ZMIZ1: variants seen among roughly 807,000 people sequenced by gnomAD.
ZMIZ1 encodes the protein zinc finger MIZ-type containing 1.
Under a neutral mutation model 113.9 loss-of-function variants are expected in ZMIZ1, and 17 were observed. The observed-to-expected ratio is 0.15, with a 90% CI of 0.10 to 0.22. The LOEUF is 0.22. ZMIZ1 is among the 10% of genes least tolerant of loss of function. The pLI, the probability that ZMIZ1 is intolerant of heterozygous loss-of-function variation, is 1.00. For synonymous variants in ZMIZ1, 607 were observed against 603.1 expected (o/e 1.01, Z -0.09); for missense variants, 1,059 against 1,477.8 (o/e 0.72, Z 4.65).
intron 7 of ZMIZ1, among the ~76,000 whole-genome samples, chr10:79,256,702 C>T (rs149251160): frequency 7.9e-4 from 121 of 152,344 alleles, no homozygotes; most frequent in African/African-American, 2.6e-3. Flanking sequence ...GCATGTCTTG[C>T]TCTGGGAGGT....
At chr10:79,277,102 T>C in intron 7 of ZMIZ1, 79 bp from the exon 8 acceptor site, 1 of 1,437,572 alleles carries the variant, frequency 7.0e-7, no homozygotes, top group Non-Finnish European at 9.1e-7. Flanking sequence ...GCACCCAGTC[T>C]GGGGAGAGTT....
intron 2 of ZMIZ1, among the ~76,000 whole-genome samples, chr10:79,131,597 C>T (rs1369834808): frequency 1.3e-5 from 2 of 152,174 alleles, no homozygotes; most frequent in African/African-American, 4.8e-5. Context: ...TGATGAATAG[C>T]ACCAGGCTTG....
intron 7 of ZMIZ1, among the ~76,000 whole-genome samples, chr10:79,231,705 A>G (rs1235357251): frequency 2.0e-5 from 3 of 152,000 alleles, no homozygotes; most frequent in African/African-American, 7.3e-5. Flanking sequence ...CCGCCTCCCA[A>G]GTAGCTGGAA....
chr10:79,180,312 C>A (rs545325553), intron 4 of ZMIZ1, among the ~76,000 whole-genome samples: 1 of 152,184 alleles, frequency 6.6e-6, no homozygotes, highest in Non-Finnish European at 1.5e-5. Flanking sequence ...CTGGGTCCCC[C>A]AGTGTCTACT....
At position 79,300,838 on chromosome 10, in the gene ZMIZ1, A is replaced by G; in HGVS notation, c.1915A>G (p.Ile639Val). The G allele has an allele frequency of 6.2e-7, 1 of 1,613,746 alleles. No individual in the cohort carries two copies. Among genetic ancestry groups the G allele is most frequent in the Non-Finnish European group, 8.5e-7 (1 of 1,179,982 alleles). Residue 639 changes from isoleucine (I) to valine (V), a missense_variant, in exon 17 of 25, where the codon ATT becomes GTT. This residue lies in a region of ZMIZ1 where 217 missense variants were observed against 426.9 expected (regional missense o/e 0.51). Coordinates refer to ENST00000334512, the MANE Select transcript of ZMIZ1 (RefSeq NM_020338.4). ...QVSVNATPLT[I>V]ERGDNKTSHK... ...CAGCGTGAACGCCACGCCCCTCACC[A>G]TTGAGCGCGGCGACAACAAGACCTC...
At chr10:79,115,655 A>T (rs1045298680) in intron 1 of ZMIZ1, among the ~76,000 whole-genome samples, 1 of 152,212 alleles carries the variant, frequency 6.6e-6, no homozygotes. Flanking sequence ...ACTGGGGGGA[A>T]CTGAGGGCTG....
intron 11 of ZMIZ1, chr10:79,292,878 A>G (rs1589580886): frequency 2.2e-6 from 1 of 462,402 alleles, no homozygotes; most frequent in Non-Finnish European, 4.3e-6. Flanking sequence ...GGAGGTGGGA[A>G]CTGCAGGGCA....
intron 7 of ZMIZ1, among the ~76,000 whole-genome samples, chr10:79,219,565 G>C (rs1303202075): frequency 4.6e-5 from 7 of 152,310 alleles, no homozygotes; most frequent in African/African-American, 1.7e-4. Flanking sequence ...ATGCTGCTCA[G>C]GGGTCTCCAG....
intron 7 of ZMIZ1, among the ~76,000 whole-genome samples, chr10:79,261,684 G>A (rs1341595799): frequency 1.3e-5 from 2 of 152,202 alleles, no homozygotes; most frequent in African/African-American, 2.4e-5. Context: ...GAGAGATGCC[G>A]GGCAGGGGAC....
In ZMIZ1 at chr10:79,069,554, C is replaced by T. The variant is rs946645790; in HGVS notation, c.-337+284C>T. On this transcript the variant is annotated intron_variant, in intron 1 of 24. Transcript: ENST00000334512. This position sits in a 1 kb window ranked among gnomAD's most constrained non-coding sequence, Gnocchi z 4.6. ...TGCGGGGCGTAAGTGTGGTCGTGCGCGCGCGGACCCGGTGCCCGCCTCCTG... is the reference window on the plus strand; with the variant it reads ...TGCGGGGCGTAAGTGTGGTCGTGCGTGCGCGGACCCGGTGCCCGCCTCCTG... Among the ~76,000 whole-genome samples, 2 of 151,852 alleles carry T rather than the reference C, an allele frequency of 1.3e-5. No individual in the cohort carries two copies.
chr10:79,153,961 C>T (rs1845801822), intron 3 of ZMIZ1, among the ~76,000 whole-genome samples: 1 of 152,216 alleles, frequency 6.6e-6, no homozygotes, highest in Non-Finnish European at 1.5e-5. Context: ...TGGCACCTGG[C>T]CCAGGAAGGG....
At chr10:79,289,558 G>A (rs1385341795) in intron 8 of ZMIZ1, among the ~76,000 whole-genome samples, 1 of 152,176 alleles carries the variant, frequency 6.6e-6, no homozygotes, top group South Asian at 2.1e-4. Context: ...TGCAGTGATC[G>A]GGGGAAAGGT....
intron 18 of ZMIZ1, among the ~76,000 whole-genome samples, chr10:79,302,724 C>T (rs1187639923): frequency 1.7e-5 from 2 of 117,162 alleles, no homozygotes; most frequent in African/African-American, 6.5e-5. Context: ...GAGAGAATGT[C>T]GCTCTGTTAC....
chr10:79,110,914 G>C (rs1030394849), intron 1 of ZMIZ1, among the ~76,000 whole-genome samples: 1 of 152,234 alleles, frequency 6.6e-6, no homozygotes, highest in African/African-American at 2.4e-5. Context: ...CTCATTAACA[G>C]GTATCCCAGT....
chr10:79,197,999 C>T (rs1847916451), intron 4 of ZMIZ1, among the ~76,000 whole-genome samples: 1 of 152,174 alleles, frequency 6.6e-6, no homozygotes. Flanking sequence ...GTGGCTCACG[C>T]CTGTAATCCC....
intron 8 of ZMIZ1, among the ~76,000 whole-genome samples, chr10:79,289,012 C>T (rs1196321776): frequency 4.6e-5 from 7 of 152,000 alleles, no homozygotes; most frequent in Non-Finnish European, 8.8e-5. Context: ...AGAGCCAAAG[C>T]GGGGTGAGGG....
chr10:79,097,336 G>A (rs1050815034), intron 1 of ZMIZ1, among the ~76,000 whole-genome samples: 2 of 152,222 alleles, frequency 1.3e-5, no homozygotes, highest in African/African-American at 4.8e-5. Context: ...GTCTGCCACT[G>A]AATATCACCT....
chr10:79,197,955 G>A (rs2132639778), intron 4 of ZMIZ1, among the ~76,000 whole-genome samples: 1 of 152,212 alleles, frequency 6.6e-6, no homozygotes, highest in East Asian at 1.9e-4. Flanking sequence ...ACCCCGCACA[G>A]TGTCGTTATT....
At chr10:79,084,646 T>A (rs1842753606) in intron 1 of ZMIZ1, among the ~76,000 whole-genome samples, 1 of 152,240 alleles carries the variant, frequency 6.6e-6, no homozygotes, top group Admixed American at 6.5e-5. Flanking sequence ...ACGTTCTGTA[T>A]CCTTGTGCCT....
Sources: gnomAD v4.1 joint callset for allele counts (sites outside exome capture counted in the v4.1 genomes callset) on GRCh38, gnomAD v4.1.1 for gene constraint, gnomAD v4.1.1 regional missense constraint, Gnocchi (gnomAD v3.1) non-coding constraint, MANE v1.5 for transcripts, NCBI Gene and HGNC (gene_info 2026-07-23, HGNC 2026-07-21) for gene names.